PRKAR1B: variants seen among roughly 807,000 people sequenced by gnomAD.
PRKAR1B encodes the protein protein kinase cAMP-dependent type I regulatory subunit beta.
PRKAR1B carries 22 observed loss-of-function variants against 46.5 expected under a neutral mutation model. That is an observed-to-expected ratio of 0.47 (90% CI 0.34 to 0.68). PRKAR1B has a LOEUF of 0.68. Ranked by LOEUF, PRKAR1B falls within the 30% of genes least tolerant of loss-of-function variation. The pLI is 0.01. For missense variants in PRKAR1B, 445 were observed against 535.6 expected, an observed-to-expected ratio of 0.83 and a Z score of 1.67; for synonymous variants, 259 against 217.7, an observed-to-expected ratio of 1.19 and a Z score of -1.67.
chr7:596,088 C>T, intron 7 of PRKAR1B, 58 bp downstream of exon 7: 1 of 1,575,016 alleles, frequency 6.3e-7, no homozygotes, highest in Non-Finnish European at 8.7e-7. Flanking sequence ...CTAGGGTTCC[C>T]AGGGACGCCT....
chr7:601,437 T>C (rs994766876), intron 6 of PRKAR1B, among the ~76,000 whole-genome samples: 7 of 152,228 alleles, frequency 4.6e-5, no homozygotes, highest in Admixed American at 3.3e-4. Flanking sequence ...TTATAATACA[T>C]ATGCCCATAA....
At chr7:645,445 G>T (rs529253151) in intron 4 of PRKAR1B, among the ~76,000 whole-genome samples, 1 of 152,106 alleles carries the variant, frequency 6.6e-6, no homozygotes, top group Non-Finnish European at 1.5e-5. Context: ...GAGCCCAGGG[G>T]TTCAAGACCA....
chr7:691,521 G>C, intron 2 of PRKAR1B: 2 of 1,304,492 alleles, frequency 1.5e-6, no homozygotes, highest in Non-Finnish European at 1.0e-6. Context: ...AGCAAATGAA[G>C]AGGAGAGCTG....
At chr7:722,515 G>C (rs558870352) in intron 1 of PRKAR1B, among the ~76,000 whole-genome samples, 2 of 150,974 alleles carry the variant, frequency 1.3e-5, no homozygotes. Context: ...GGGATGACAG[G>C]CGTGAGCCAC....
intron 7 of PRKAR1B, among the ~76,000 whole-genome samples, chr7:591,443 C>T (rs1010077033): frequency 2.8e-4 from 43 of 152,326 alleles, no homozygotes; most frequent in African/African-American, 7.2e-4. Context: ...TTCTTAACAC[C>T]GGTCCCACCC....
chr7:680,706 C>G lies in PRKAR1B; in HGVS notation c.198G>C (p.Leu66Phe), dbSNP rs1377826756. The G allele has an allele frequency of 6.2e-7, 1 of 1,613,976 alleles. No homozygotes were observed. The highest frequency in any genetic ancestry group is 1.1e-5 in the South Asian group (1 of 91,074). ...KLEKEENRQI[L>F]ARQKSNSQSD... ...ACTGTGAGTTTGACTTTTGCCGCGC[C>G]AAAATCTGCCTGTTTTCTTCCTGTG... The change falls in exon 3 of 11, where the codon TTG (leucine) becomes TTC (phenylalanine). Residue 66 changes from leucine (L) to phenylalanine (F), a missense_variant. Around this residue, in one of 5 missense-constraint regions of PRKAR1B, gnomAD observed 155 missense variants for 127.5 expected, o/e 1.22. Transcript: ENST00000537384.
At position 683,394 on chromosome 7, in the gene PRKAR1B, C is replaced by G. The variant is rs927114866; in HGVS notation, c.178-2668G>C. On this transcript the variant is annotated intron_variant, in intron 2 of 10. Coordinates refer to ENST00000537384, the MANE Select transcript of PRKAR1B (RefSeq NM_001164760.2). The stretch of plus-strand genomic sequence containing the variant: ...TGAGAATTGGCCATTTAAAGTCAGC[C>G]AGGTGCACCGGTCCAGGTGGGTGAG... Among the ~76,000 whole-genome samples the G allele has an allele frequency of 9.9e-5, 15 of 152,254 alleles. 1 individual carries two copies. The East Asian group carries it at 1.5e-3, about 16-fold the overall frequency.
chr7:577,413 G>A (rs932174510), intron 9 of PRKAR1B, among the ~76,000 whole-genome samples: 12 of 152,188 alleles, frequency 7.9e-5, no homozygotes, highest in African/African-American at 2.9e-4. Flanking sequence ...ACAGAGTTGG[G>A]GCGTGTGCTT....
chr7:579,704 G>A (rs772066798), intron 8 of PRKAR1B, among the ~76,000 whole-genome samples: 1 of 152,224 alleles, frequency 6.6e-6, no homozygotes, highest in East Asian at 1.9e-4. Context: ...GGTTAACTCA[G>A]TATGAAAATA....
chr7:567,543 A>T (rs199754392), intron 9 of PRKAR1B, among the ~76,000 whole-genome samples: 1 of 146,140 alleles, frequency 6.8e-6, no homozygotes, highest in Non-Finnish European at 1.5e-5. Flanking sequence ...CACTATCACC[A>T]TCATCATCAC....
intron 7 of PRKAR1B, among the ~76,000 whole-genome samples, 198 bp from the exon 8 acceptor site, chr7:584,766 G>C (rs1283840133): frequency 1.3e-5 from 2 of 152,078 alleles, no homozygotes; most frequent in Non-Finnish European, 2.9e-5. Context: ...CCTCCTCCCG[G>C]GGGGCTTCTG....
Position 711,756 on chromosome 7 carries a change from C to G in PRKAR1B, c.-22-229G>C, listed in dbSNP as rs1780644230. Among the ~76,000 whole-genome samples the G allele has an allele frequency of 3.3e-5, 5 of 152,106 alleles. No individual in the cohort carries two copies. In the South Asian group the frequency reaches 1.0e-3, roughly 32 times the overall value. On this transcript the variant is annotated intron_variant, in intron 1 of 10. Transcript: ENST00000537384. ...CCGGCAGGGGTGGAGGGGGCTCAGG[C>G]AGGGGGGGAGGGGGCTCAGGCAGAC...
chr7:701,629 C>T (rs570964201), intron 2 of PRKAR1B, among the ~76,000 whole-genome samples: 2 of 152,196 alleles, frequency 1.3e-5, no homozygotes, highest in Admixed American at 6.5e-5. Context: ...ATGAAAGAAG[C>T]CAGAGAAAAG....
upstream of PRKAR1B, chr7:727,369 TCCAC>T: frequency 1.2e-6 from 1 of 809,240 alleles, no homozygotes; most frequent in Admixed American, 1.6e-4. Context: ...CACCCCCACC[TCCAC>T]CTCCGCGGCC....
chr7:628,786 G>T (rs913444728), intron 4 of PRKAR1B, among the ~76,000 whole-genome samples: 1 of 149,036 alleles, frequency 6.7e-6, no homozygotes, highest in African/African-American at 2.5e-5. Context: ...TCCCTCCCTC[G>T]CCTTTTCCAA....
chr7:660,354 T>C (rs1583373559), intron 4 of PRKAR1B, among the ~76,000 whole-genome samples: 2 of 151,660 alleles, frequency 1.3e-5, no homozygotes, highest in Admixed American at 1.3e-4. Context: ...CTCCAACGGG[T>C]CCAAATACCT....
intron 7 of PRKAR1B, 71 bp downstream of exon 7, chr7:596,075 G>C (rs1263417110): frequency 1.3e-5 from 21 of 1,557,706 alleles, no homozygotes; most frequent in Non-Finnish European, 1.8e-5. Flanking sequence ...ACCTTGAATA[G>C]AGCTAGGGTT....
upstream of PRKAR1B, among the ~76,000 whole-genome samples, chr7:728,064 A>G (rs1781422883): frequency 6.6e-6 from 1 of 151,842 alleles, no homozygotes; most frequent in South Asian, 2.1e-4. Flanking sequence ...GGCTTGGACC[A>G]CTGTCCTAAG....
chr7:707,070 ACG>A (rs1346141892), intron 2 of PRKAR1B, among the ~76,000 whole-genome samples: 7 of 152,180 alleles, frequency 4.6e-5, no homozygotes, highest in Non-Finnish European at 7.4e-5. Flanking sequence ...GGTCCAGAAC[ACG>A]CAGCAGGAAA....
Sources: allele counts gnomAD v4.1 joint callset (sites outside exome capture counted in the v4.1 genomes callset), GRCh38; gene constraint gnomAD v4.1.1; regional missense constraint gnomAD v4.1.1; transcripts MANE v1.5; gene names NCBI Gene and HGNC (gene_info 2026-07-23, HGNC 2026-07-21).